TPD52: variants seen among roughly 807,000 people sequenced by gnomAD.
TPD52 encodes prostate and colon associated protein.
A neutral mutation model predicts 31.3 loss-of-function variants in TPD52; 17 were observed. The ratio of observed to expected loss-of-function variants is 0.54; its 90% CI spans 0.37 to 0.82. TPD52 has a LOEUF of 0.82. TPD52 is among the 40% of genes least tolerant of loss of function. The pLI is 0.00. For missense variants in TPD52, 212 were observed against 240.1 expected, an observed-to-expected ratio of 0.88 and a Z score of 0.77; for synonymous variants, 83 against 89.6, an observed-to-expected ratio of 0.93 and a Z score of 0.42.
At chr8:80,055,653 T>C (rs753749315) in intron 2 of TPD52, among the ~76,000 whole-genome samples, 37 of 152,198 alleles carry the variant, frequency 2.4e-4, no homozygotes, top group Non-Finnish European at 4.1e-4. Flanking sequence ...GACAAGGGAC[T>C]AATATCCAAA....
chr8:80,078,247 G>A lies in TPD52; in HGVS notation c.20-13654C>T, dbSNP rs375943598. Among the ~76,000 whole-genome samples the A allele has an allele frequency of 2.5e-4, 38 of 152,192 alleles. No homozygotes were observed. The South Asian group carries it at 7.9e-3, about 32-fold the overall frequency. Reference sequence around the variant, plus strand: ...CCCGTTTGCCCCATGATGGCATTTTGGATAAATATCAGAGATATTTTTCAC... The same window carrying A: ...CCCGTTTGCCCCATGATGGCATTTTAGATAAATATCAGAGATATTTTTCAC... On this transcript the variant is annotated intron_variant, in intron 1 of 7. Coordinates refer to ENST00000518937, the MANE Select transcript of TPD52 (RefSeq NM_001025253.3).
chr8:80,124,166 CTTTT>C (rs1230288422), intron 1 of TPD52, among the ~76,000 whole-genome samples: 22 of 93,904 alleles, frequency 2.3e-4, no homozygotes, highest in African/African-American at 4.3e-4. Flanking sequence ...CTCTCTCTCT[CTTTT>C]TGTTTTTTTT....
chr8:80,050,292 A>T, intron 5 of TPD52, 153 bp downstream of exon 5: 1 of 577,238 alleles, frequency 1.7e-6, no homozygotes, highest in Non-Finnish European at 2.9e-6. Context: ...CCCTCCCTTG[A>T]AATTAGGAAT....
At chr8:80,139,882 G>T (rs1809704159) in intron 1 of TPD52, among the ~76,000 whole-genome samples, 1 of 152,106 alleles carries the variant, frequency 6.6e-6, no homozygotes, top group Non-Finnish European at 1.5e-5. Flanking sequence ...CTGACTCCCA[G>T]TCACCCAGCT....
intron 1 of TPD52, among the ~76,000 whole-genome samples, chr8:80,130,597 G>A (rs1189029657): frequency 6.6e-6 from 1 of 152,102 alleles, no homozygotes; most frequent in Non-Finnish European, 1.5e-5. Flanking sequence ...AATTGAGATG[G>A]ACAAGACAGA....
At chr8:80,038,370 T>C (rs1810063640) in intron 7 of TPD52, 135 bp from the exon 8 acceptor site, 1 of 878,544 alleles carries the variant, frequency 1.1e-6, no homozygotes, top group African/African-American at 1.7e-5. Flanking sequence ...TATATATGTA[T>C]GGAATTTAGT....
At chr8:80,157,000 C>G (rs1054875986) in intron 1 of TPD52, among the ~76,000 whole-genome samples, 1 of 151,932 alleles carries the variant, frequency 6.6e-6, no homozygotes, top group African/African-American at 2.4e-5. Flanking sequence ...CTGCTCTTTG[C>G]CAAAATGGAG....
At chr8:80,109,044 A>G (rs1807323426) in intron 1 of TPD52, among the ~76,000 whole-genome samples, 1 of 152,234 alleles carries the variant, frequency 6.6e-6, no homozygotes, top group South Asian at 2.1e-4. Flanking sequence ...ACCAAGGGTC[A>G]TATTTGACAG....
In TPD52 at chr8:80,056,466, A is replaced by T. The variant is rs372638038; in HGVS notation, c.136-3036T>A. On this transcript the variant is annotated intron_variant, in intron 2 of 7. Transcript: ENST00000518937. Reference sequence around the variant, plus strand: ...AAAATATTGGCAAATTACATACCTAATAAGAGTCTAGTATCTAGAACATAT... The same window carrying T: ...AAAATATTGGCAAATTACATACCTATTAAGAGTCTAGTATCTAGAACATAT... 3.9e-5 allele frequency among the ~76,000 whole-genome samples: 6 copies of T among 152,322 alleles called. No homozygotes were observed. The East Asian group carries it at 7.7e-4, about 20-fold the overall frequency.
At chr8:80,055,308 C>T (rs1811762697) in intron 2 of TPD52, among the ~76,000 whole-genome samples, 1 of 152,228 alleles carries the variant, frequency 6.6e-6, no homozygotes, top group African/African-American at 2.4e-5. Context: ...TAGCCCAGCA[C>T]ATCATGGCTG....
Position 80,036,725 on chromosome 8 carries a change from T to C in TPD52, c.*1391A>G, listed in dbSNP as rs183320915. ...TATAACAATCAACACCTGTGGCTTT[T>C]AAAATTTGGTTTTCATAAGATAATT... On this transcript the variant is annotated 3_prime_UTR_variant, in exon 8 of 8. Coordinates refer to ENST00000518937, the MANE Select transcript of TPD52 (RefSeq NM_001025253.3). 8.4e-4 allele frequency: 128 copies of C among 152,796 alleles called. 1 individual carries two copies. Among genetic ancestry groups the C allele is most frequent in the Non-Finnish European group, 8.8e-4 (60 of 68,032 alleles). 9.5% of individuals were successfully genotyped at this position (152,796 alleles called of 1,614,324 possible).
chr8:80,157,075 G>C (rs564247026), intron 1 of TPD52, among the ~76,000 whole-genome samples: 2 of 152,244 alleles, frequency 1.3e-5, no homozygotes, highest in East Asian at 3.9e-4. Context: ...TTGGATTGGA[G>C]GGAATTCACA....
At chr8:80,077,055 T>A (rs1586242437) in intron 1 of TPD52, among the ~76,000 whole-genome samples, 1 of 151,766 alleles carries the variant, frequency 6.6e-6, no homozygotes, top group Non-Finnish European at 1.5e-5. Context: ...GGCAGGCGGA[T>A]CACGAGGTCA....
rs1393879285 is a variant in TPD52, at chr8:80,141,998, G to A, written c.19+29427C>T. Among the ~76,000 whole-genome samples, 3 of 151,070 alleles carry A rather than the reference G, an allele frequency of 2.0e-5. No individual in the cohort carries two copies. In the South Asian group the frequency reaches 6.3e-4, roughly 32 times the overall value. On this transcript the variant is annotated intron_variant, in intron 1 of 7. Transcript: ENST00000518937. ...TGTAGCAATAGATACTAAGATAATAGCCACACCATCTTCATCTGGAATGTT... is the reference window on the plus strand; with the variant it reads ...TGTAGCAATAGATACTAAGATAATAACCACACCATCTTCATCTGGAATGTT...
At chr8:80,038,315 C>T (rs370932210) in intron 7 of TPD52, 80 bp from the exon 8 acceptor site, 3 of 1,462,906 alleles carry the variant, frequency 2.1e-6, no homozygotes, top group South Asian at 2.4e-5. Context: ...CTCTAATTCA[C>T]TTTCAAGAAC....
At chr8:80,096,253 T>C (rs942178963) in intron 1 of TPD52, among the ~76,000 whole-genome samples, 4 of 150,606 alleles carry the variant, frequency 2.7e-5, no homozygotes, top group African/African-American at 9.8e-5. Flanking sequence ...CAAGAACTTG[T>C]CTCAAAATAA....
At chr8:80,042,968 A>G (rs990979785) in intron 6 of TPD52, 26 of 219,344 alleles carry the variant, frequency 1.2e-4, no homozygotes, top group Non-Finnish European at 2.0e-4. Context: ...TAAAATAGCA[A>G]TTCTGTCACT....
intron 1 of TPD52, among the ~76,000 whole-genome samples, chr8:80,072,366 TACACATA>T (rs1563598033): frequency 1.7e-4 from 26 of 149,240 alleles, no homozygotes; most frequent in East Asian, 1.6e-3. Context: ...TATATACATG[TACACATA>T]GATATGCGTG....
At chr8:80,081,156 CT>C (rs5892705) in intron 1 of TPD52, among the ~76,000 whole-genome samples, 35,159 of 109,422 alleles carry the variant, frequency 0.32, 5,023 homozygotes, top group East Asian at 0.62. Context: ...TTTTCTCTCT[CT>C]TTTTTTTTTT....
Sources: gnomAD v4.1 joint callset for allele counts (sites outside exome capture counted in the v4.1 genomes callset) on GRCh38, gnomAD v4.1.1 for gene constraint, MANE v1.5 for transcripts, NCBI Gene and HGNC (gene_info 2026-07-23, HGNC 2026-07-21) for gene names.